Variants in KCNMA1 observed in about 807,000 individuals in gnomAD.
KCNMA1 encodes potassium calcium-activated channel subfamily M alpha 1, also known as Calcium-activated potassium channel subunit alpha-1.
In KCNMA1, 29 loss-of-function variants were observed where a neutral mutation model predicts 140.0. The observed-to-expected ratio is 0.21, with a 90% confidence interval of 0.15 to 0.28. The LOEUF (loss-of-function observed/expected upper bound fraction) is 0.28. Ranked by LOEUF, KCNMA1 falls within the 10% of genes least tolerant of loss-of-function variation. The pLI, the probability that KCNMA1 is intolerant of heterozygous loss-of-function variation, is 1.00. For missense variants in KCNMA1, 880 were observed against 1,602.2 expected, an observed-to-expected ratio of 0.55 and a Z score of 7.70; for synonymous variants, 612 against 611.9, an observed-to-expected ratio of 1.00 and a Z score of 0.00.
chr10:77,506,922 G>T (rs1218077372), intron 1 of KCNMA1, among the ~76,000 whole-genome samples: 3 of 151,778 alleles, frequency 2.0e-5, no homozygotes, highest in African/African-American at 4.8e-5. Context: ...GAGAGTAAAA[G>T]ACAGATGTTC....
At chr10:77,432,212 G>A (rs115271377) in intron 1 of KCNMA1, among the ~76,000 whole-genome samples, 43 of 152,316 alleles carry the variant, frequency 2.8e-4, no homozygotes, top group African/African-American at 1.0e-3. Context: ...GCCTCCTTGA[G>A]GCTTTTTGAT....
intron 1 of KCNMA1, among the ~76,000 whole-genome samples, chr10:77,563,759 T>G (rs1334202310): frequency 6.6e-6 from 1 of 152,130 alleles, no homozygotes; most frequent in Non-Finnish European, 1.5e-5. Context: ...TCCCTACACA[T>G]TGCAGGCCCA....
chr10:76,884,450 T>C (rs1313974721), downstream of KCNMA1: 1 of 148,878 alleles, frequency 6.7e-6, no homozygotes. Context: ...CATCACTTGA[T>C]TGAGTAGGTC....
rs191782054 is a variant in KCNMA1 at position 76,963,046 on chromosome 10, A to G, written c.2360+6928T>C. ...AGGACAACCCTAAATTATGTCTCTA[A>G]CCAGTCAAGGCTGCCTGAAGTTCGC... On this transcript the variant is annotated intron_variant, in intron 20 of 27. Transcript: ENST00000286628. 2.3e-3 allele frequency among the ~76,000 whole-genome samples: 353 copies of G among 152,296 alleles called. 4 individuals are homozygous for G. Among genetic ancestry groups the G allele is most frequent in the African/African-American group, 8.2e-3 (339 of 41,558 alleles).
chr10:76,980,804 A>AG (rs1367759380), intron 19 of KCNMA1, among the ~76,000 whole-genome samples: 4 of 152,318 alleles, frequency 2.6e-5, no homozygotes, highest in African/African-American at 9.6e-5. Context: ...AAAGATTTTA[A>AG]GGCATGGGAT....
At chr10:76,999,004 T>C (rs2085294944) in intron 19 of KCNMA1, among the ~76,000 whole-genome samples, 1 of 152,236 alleles carries the variant, frequency 6.6e-6, no homozygotes, top group Admixed American at 6.5e-5. Context: ...AATCGCCCCC[T>C]GAGCTGTCAA....
intron 1 of KCNMA1, among the ~76,000 whole-genome samples, chr10:77,563,062 CA>C (rs35283320): frequency 9.5e-5 from 14 of 147,874 alleles, no homozygotes; most frequent in African/African-American, 1.2e-4. Context: ...GAGACTTGAG[CA>C]AAAAAAAAAA....
At chr10:76,962,002 A>G (rs2071693027) in intron 20 of KCNMA1, among the ~76,000 whole-genome samples, 1 of 152,246 alleles carries the variant, frequency 6.6e-6, no homozygotes, top group Non-Finnish European at 1.5e-5. Flanking sequence ...AGAGCAAGAA[A>G]TGCCACTTGG....
At chr10:77,574,417 A>G (rs908611313) in intron 1 of KCNMA1, among the ~76,000 whole-genome samples, 3 of 152,218 alleles carry the variant, frequency 2.0e-5, no homozygotes, top group South Asian at 2.1e-4. Context: ...TTACTGTGCT[A>G]GATGACTGCC....
At chr10:77,288,889 T>C (rs1262016498) in intron 2 of KCNMA1, among the ~76,000 whole-genome samples, 1 of 152,164 alleles carries the variant, frequency 6.6e-6, no homozygotes, top group Non-Finnish European at 1.5e-5. Context: ...ATCTCAAAAG[T>C]GAACACCATC....
chr10:77,445,017 A>G (rs2097495643), intron 1 of KCNMA1, among the ~76,000 whole-genome samples: 1 of 152,170 alleles, frequency 6.6e-6, no homozygotes, highest in Admixed American at 6.5e-5. Flanking sequence ...AACCCAACTG[A>G]GGTTGCATGA....
intron 1 of KCNMA1, among the ~76,000 whole-genome samples, chr10:77,533,973 C>A (rs149858730): frequency 6.6e-6 from 1 of 152,104 alleles, no homozygotes; most frequent in Non-Finnish European, 1.5e-5. Context: ...CCATCTATGC[C>A]AAAGCTGGCC....
intron 1 of KCNMA1, among the ~76,000 whole-genome samples, chr10:77,509,027 T>C (rs963588419): frequency 3.7e-4 from 56 of 152,238 alleles, no homozygotes; most frequent in African/African-American, 1.3e-3. Context: ...TGTATGTCTA[T>C]GCCACATTGA....
At chr10:77,611,852 T>C (rs1457342786) in intron 1 of KCNMA1, among the ~76,000 whole-genome samples, 5 of 152,078 alleles carry the variant, frequency 3.3e-5, no homozygotes, top group African/African-American at 1.2e-4. Flanking sequence ...CAAGACTAGG[T>C]ACGCAGGGGA....
At chr10:77,057,549 TTGTC>T (rs1236508278) in intron 14 of KCNMA1, among the ~76,000 whole-genome samples, 4 of 152,208 alleles carry the variant, frequency 2.6e-5, no homozygotes, top group Admixed American at 6.5e-5. Context: ...AATTATAACA[TTGTC>T]TGATATAGTT....
intron 1 of KCNMA1, among the ~76,000 whole-genome samples, chr10:77,567,752 A>G (rs561878756): frequency 6.6e-6 from 1 of 152,282 alleles, no homozygotes; most frequent in South Asian, 2.1e-4. Context: ...TTTCCAATGC[A>G]TTATGACACA....
At chr10:77,508,464 C>T (rs898617248) in intron 1 of KCNMA1, among the ~76,000 whole-genome samples, 6 of 151,534 alleles carry the variant, frequency 4.0e-5, no homozygotes, top group African/African-American at 7.3e-5. Flanking sequence ...GGATTAGAGG[C>T]GCGAGTCCCC....
chr10:76,936,909 A>G (rs2060712248), intron 23 of KCNMA1, among the ~76,000 whole-genome samples: 1 of 152,182 alleles, frequency 6.6e-6, no homozygotes, highest in Admixed American at 6.5e-5. Flanking sequence ...GCTTCCACTA[A>G]AAGACTCATG....
intron 5 of KCNMA1, among the ~76,000 whole-genome samples, chr10:77,127,997 TA>T (rs974592811): frequency 6.7e-5 from 10 of 149,904 alleles, no homozygotes; most frequent in African/African-American, 1.5e-4. Flanking sequence ...ATTTAAAAAT[TA>T]AAAAAAAAAT....
Sources: allele counts gnomAD v4.1 joint callset (sites outside exome capture counted in the v4.1 genomes callset), GRCh38; gene constraint gnomAD v4.1.1; transcripts MANE v1.5; gene names NCBI Gene and HGNC (gene_info 2026-07-23, HGNC 2026-07-21).